The following HSPBAP1 variants were observed in gnomAD, a reference collection of about 807,000 sequenced individuals.
HSPBAP1 encodes the protein HSPB1 associated protein 1.
Under a neutral mutation model 45.2 loss-of-function variants are expected in HSPBAP1, and 27 were observed. The observed-to-expected ratio is 0.60, with a 90% CI of 0.44 to 0.82. The LOEUF (loss-of-function observed/expected upper bound fraction) is 0.82. HSPBAP1 is among the 40% of genes least tolerant of loss of function. The pLI is 0.00. For synonymous variants in HSPBAP1, 204 were observed against 202.7 expected, an observed-to-expected ratio of 1.01 and a Z score of -0.06; for missense variants, 510 against 590.9, an observed-to-expected ratio of 0.86 and a Z score of 1.42.
intron 2 of HSPBAP1, among the ~76,000 whole-genome samples, chr3:122,771,332 C>G (rs1934988738): frequency 6.6e-6 from 1 of 152,104 alleles, no homozygotes; most frequent in Non-Finnish European, 1.5e-5. Context: ...TGAAATTATT[C>G]CTTTCTAATT....
rs936706794 is a variant in HSPBAP1, at chr3:122,759,273, A to G, written c.520T>C (p.Cys174Arg). The change falls in exon 4 of 8, where the codon TGT becomes CGT. Residue 174 changes from cysteine to arginine, a missense_variant. Coordinates refer to ENST00000306103, the MANE Select transcript of HSPBAP1 (RefSeq NM_024610.6). ...TTACAACCATAGGAGTCCAGATGAC[A>G]GGGTGTGTGGGCTCCCAAGGAGCCA... ...WIGSLGAHTP[C>R]HLDSYGCNLV... The G allele has an allele frequency of 1.9e-6, 3 of 1,613,808 alleles. No individual in the cohort carries two copies. The highest frequency in any genetic ancestry group is 2.5e-6 in the Non-Finnish European group (3 of 1,179,918).
At position 122,740,287 on chromosome 3, in the gene HSPBAP1, T is replaced by C. The variant is rs144131881; in HGVS notation, c.*58A>G. On this transcript the variant is annotated 3_prime_UTR_variant, in exon 8 of 8. Transcript: ENST00000306103. ...TGCTGGTTCATCTTTATTTTAGTCA[T>C]ACTACTTAAAAATATATATTTAAAA... 2.0e-5 allele frequency: 22 copies of C among 1,074,060 alleles called. No homozygotes were observed. The East Asian group carries it at 3.6e-4, about 18-fold the overall frequency. 66.5% of individuals were successfully genotyped at this position (1,074,060 alleles called of 1,614,324 possible).
At chr3:122,752,499 T>A in intron 6 of HSPBAP1, 92 bp downstream of exon 6, 1 of 705,272 alleles carries the variant, frequency 1.4e-6, no homozygotes. Flanking sequence ...TAAAAAAAAT[T>A]AATTACCCAG....
At position 122,740,127 on chromosome 3, in the gene HSPBAP1, G is replaced by A. The variant is rs768783903; in HGVS notation, c.*218C>T. 10 of 321,972 alleles carry A rather than the reference G, an allele frequency of 3.1e-5. No homozygotes were observed. Among genetic ancestry groups the A allele is most frequent in the Non-Finnish European group, 4.9e-5 (9 of 181,994 alleles). 19.9% of individuals were successfully genotyped at this position (321,972 alleles called of 1,614,324 possible). A position where few individuals can be genotyped will look rare whatever the true frequency, so the allele number is the denominator to read the frequency against. On this transcript the variant is annotated 3_prime_UTR_variant, in exon 8 of 8. Transcript: ENST00000306103. ...TTGACACAGGCTAAAAGTATGGGAT[G>A]AGAGAGGAACAAAAGCTTACAAACA...
chr3:122,753,939 C>T, intron 5 of HSPBAP1: 2 of 969,040 alleles, frequency 2.1e-6, no homozygotes, highest in Non-Finnish European at 2.5e-6. Flanking sequence ...AACCACTTCA[C>T]ACTCTCTGGA....
intron 4 of HSPBAP1, among the ~76,000 whole-genome samples, chr3:122,755,939 T>C (rs1040910847): frequency 1.3e-5 from 2 of 152,038 alleles, no homozygotes; most frequent in African/African-American, 4.8e-5. Context: ...CATTAGGGAG[T>C]GGACATGCAC....
chr3:122,741,138 A>T (rs2107662501), intron 6 of HSPBAP1, 25 bp from the exon 7 acceptor site: 1 of 1,517,900 alleles, frequency 6.6e-7, no homozygotes, highest in Middle Eastern at 1.7e-4. Flanking sequence ...CACGCTTTTA[A>T]CTTCTGTTAA....
intron 1 of HSPBAP1, among the ~76,000 whole-genome samples, chr3:122,784,576 G>T (rs915442847): frequency 3.3e-5 from 5 of 152,226 alleles, no homozygotes; most frequent in Admixed American, 3.3e-4. Flanking sequence ...ACCTGAAGTT[G>T]ACTCAGAGAG....
intron 1 of HSPBAP1, among the ~76,000 whole-genome samples, chr3:122,783,651 G>T (rs1361304635): frequency 6.6e-6 from 1 of 152,172 alleles, no homozygotes; most frequent in Admixed American, 6.5e-5. Flanking sequence ...TGGACAAAGA[G>T]TAAATTTAGA....
At chr3:122,770,675 T>C (rs1257156768) in intron 2 of HSPBAP1, among the ~76,000 whole-genome samples, 3 of 152,152 alleles carry the variant, frequency 2.0e-5, no homozygotes, top group Non-Finnish European at 4.4e-5. Flanking sequence ...CACTCCAGCC[T>C]GGGTGACACA....
intron 6 of HSPBAP1, 135 bp downstream of exon 6, chr3:122,752,456 T>G: frequency 1.7e-6 from 1 of 582,930 alleles, no homozygotes; most frequent in Non-Finnish European, 3.0e-6. Flanking sequence ...TACGTTATAG[T>G]GCACTGCAAC....
chr3:122,774,729 G>C (rs759403829), intron 2 of HSPBAP1, among the ~76,000 whole-genome samples: 15 of 152,198 alleles, frequency 9.9e-5, no homozygotes, highest in Non-Finnish European at 1.9e-4. Flanking sequence ...ACGCCCACTA[G>C]AGGATGGCTG....
intron 1 of HSPBAP1, among the ~76,000 whole-genome samples, chr3:122,783,615 G>A (rs1353475847): frequency 1.3e-5 from 2 of 152,192 alleles, no homozygotes; most frequent in African/African-American, 2.4e-5. Context: ...AGCAGTTAGA[G>A]CTTACTTAAC....
At chr3:122,755,573 G>A (rs534581235) in intron 4 of HSPBAP1, 142 bp from the exon 5 acceptor site, 9 of 544,958 alleles carry the variant, frequency 1.7e-5, no homozygotes, top group African/African-American at 1.4e-4. Context: ...GTGGTCACCT[G>A]TCCATCTCTG....
chr3:122,759,218 C>CA lies in HSPBAP1; in HGVS notation c.569+5dup, dbSNP rs752606517. 1.1e-5 allele frequency: 18 copies of CA among 1,608,720 alleles called. No homozygotes were observed. The highest frequency in any genetic ancestry group is 1.4e-5 in the Non-Finnish European group (16 of 1,177,816). On this transcript the variant is annotated splice_donor_region_variant and intron_variant, in intron 4 of 7. Coordinates refer to ENST00000306103, the MANE Select transcript of HSPBAP1 (RefSeq NM_024610.6). ...ACACACACACACACACACACACACA[C>CA]ATTACCTTCCTTGTACCTGGAATAC...
At position 122,745,417 on chromosome 3, in the gene HSPBAP1, C is replaced by T. The variant is rs112634324; in HGVS notation, c.826-4304G>A. ...CAAAAAAAGATGAAATATGGCAGTCCGCCCTTATCTGCAGTTTCGCTTTCC... is the reference window on the plus strand; with the variant it reads ...CAAAAAAAGATGAAATATGGCAGTCTGCCCTTATCTGCAGTTTCGCTTTCC... On this transcript the variant is annotated intron_variant, in intron 6 of 7. Transcript: ENST00000306103. Among the ~76,000 whole-genome samples the T allele has an allele frequency of 3.4e-3, 516 of 152,180 alleles. 5 individuals carry two copies. Among genetic ancestry groups the T allele is most frequent in the African/African-American group, 0.011 (441 of 41,508 alleles).
At chr3:122,749,167 G>T (rs1004923721) in intron 6 of HSPBAP1, among the ~76,000 whole-genome samples, 1 of 151,204 alleles carries the variant, frequency 6.6e-6, no homozygotes, top group Admixed American at 6.6e-5. Context: ...TATAGATATA[G>T]ATATATATGT....
intron 6 of HSPBAP1, among the ~76,000 whole-genome samples, chr3:122,747,763 G>T (rs1398120505): frequency 6.7e-6 from 1 of 150,246 alleles, no homozygotes; most frequent in Non-Finnish European, 1.5e-5. Flanking sequence ...GAGGTGGGGG[G>T]GTCAGCCCCC....
intron 6 of HSPBAP1, 109 bp from the exon 7 acceptor site, chr3:122,741,222 G>C: frequency 1.2e-6 from 1 of 815,556 alleles, no homozygotes; most frequent in Non-Finnish European, 2.0e-6. Flanking sequence ...TATAAGCTTT[G>C]TTATAGAAGG....
Sources: gnomAD v4.1 joint callset for allele counts (sites outside exome capture counted in the v4.1 genomes callset) on GRCh38, gnomAD v4.1.1 for gene constraint, MANE v1.5 for transcripts, NCBI Gene and HGNC (gene_info 2026-07-23, HGNC 2026-07-21) for gene names.